Variants in DMBT1 observed in about 807,000 individuals in gnomAD.
DMBT1 encodes deleted in malignant brain tumors 1.
In DMBT1, 198 loss-of-function variants were observed where a neutral mutation model predicts 252.9. That is an observed-to-expected ratio of 0.78 (90% CI 0.70 to 0.88). The LOEUF (loss-of-function observed/expected upper bound fraction) is 0.88, where lower values mean the gene tolerates loss of function less well. Ranked by LOEUF, DMBT1 falls within the 40% of genes least tolerant of loss-of-function variation. The pLI is 0.00. For synonymous variants in DMBT1, 990 were observed against 942.7 expected (o/e 1.05, Z -0.92); for missense variants, 2,432 against 2,404.7 (o/e 1.01, Z -0.24).
chr10:122,585,778 G>A (rs2097784279), intron 15 of DMBT1, among the ~76,000 whole-genome samples: 1 of 148,654 alleles, frequency 6.7e-6, no homozygotes, highest in Non-Finnish European at 1.5e-5. Context: ...TACTGTAGCT[G>A]TGTAGCTCCA....
Position 122,588,819 on chromosome 10 carries a change from A to G in DMBT1, c.1784-125A>G. 3 of 1,489,908 alleles carry G rather than the reference A, an allele frequency of 2.0e-6. No individual in the cohort carries two copies. The Admixed American group carries it at 5.3e-5, about 26-fold the overall frequency. 92.3% of individuals were successfully genotyped at this position (1,489,908 alleles called of 1,614,324 possible). On this transcript the variant is annotated intron_variant, in intron 16 of 55. Coordinates refer to ENST00000338354, the MANE Select transcript of DMBT1 (RefSeq NM_001377530.1). ...TGAAGCTGAACCTCTGGTTGCAGTC[A>G]TCTTTAATCGTGACTGCCTGCCCAG...
intron 42 of DMBT1, among the ~76,000 whole-genome samples, chr10:122,619,642 G>A (rs1395187756): frequency 6.6e-6 from 1 of 152,198 alleles, no homozygotes; most frequent in Non-Finnish European, 1.5e-5. Flanking sequence ...TATATTCAGA[G>A]CTGATACAAC....
In DMBT1 at chr10:122,589,081, A is replaced by G. The variant is rs561526023; in HGVS notation, c.1921A>G (p.Arg641Gly). 8.2e-6 allele frequency: 13 copies of G among 1,588,814 alleles called. No individual in the cohort carries two copies. Among genetic ancestry groups the G allele is most frequent in the Middle Eastern group, 1.7e-4 (1 of 6,008 alleles). Residue 641 changes from arginine to glycine, a missense_variant, in exon 17 of 56, where the codon AGG (arginine) becomes GGG (glycine). This residue lies in a region of DMBT1 where 1,264 missense variants were observed against 1,082.2 expected (regional missense o/e 1.17). Transcript: ENST00000338354. The part of the protein sequence containing the change: ...WDTNDANVVC[R>G]QLGCGWATSA... The stretch of plus-strand genomic sequence containing the variant: ...CACCAATGATGCCAATGTGGTCTGC[A>G]GGCAGCTGGGCTGTGGCTGGGCCAC...
At position 122,633,249 on chromosome 10, in the gene DMBT1, C is replaced by G; in HGVS notation, c.6456C>G (p.Phe2152Leu). ...SQPSGDFSSP[F>L]YPGNYPNNAK... Reference sequence around the variant, plus strand: ...CATCAGGGGACTTTTCCAGCCCATTCTATCCCGGGAACTATCCAAACAATG... The same window carrying G: ...CATCAGGGGACTTTTCCAGCCCATTGTATCCCGGGAACTATCCAAACAATG... The change falls in exon 52 of 56, where the codon TTC becomes TTG. Residue 2152 changes from phenylalanine to leucine, a missense_variant. Transcript: ENST00000338354. 1.2e-6 allele frequency: 2 copies of G among 1,614,046 alleles called. No homozygotes were observed. Among genetic ancestry groups the G allele is most frequent in the African/African-American group, 1.3e-5 (1 of 75,066 alleles).
At chr10:122,590,635 G>A in intron 17 of DMBT1, 30 bp from the exon 18 acceptor site, 3 of 1,587,068 alleles carry the variant, frequency 1.9e-6, no homozygotes, top group African/African-American at 2.7e-5. Context: ...TCTGTATAGT[G>A]CATCTGATCT....
In DMBT1 at chr10:122,630,816, AG is replaced by A. The variant is rs2098158404; in HGVS notation, c.6026-144del. ...CTTTCAGCTCTGCATGGAGCGGTCC[AG>A]TACCTCCACCCCAGCTTTTCCACAT... is the stretch of plus-strand genomic sequence containing the variant. On this transcript the variant is annotated intron_variant, in intron 48 of 55. Transcript: ENST00000338354. 13 of 889,354 alleles carry A rather than the reference AG, an allele frequency of 1.5e-5. No homozygotes were observed. In the East Asian group the frequency reaches 3.2e-4, roughly 22 times the overall value. 55.1% of individuals were successfully genotyped at this position (889,354 alleles called of 1,614,324 possible). A position where few individuals can be genotyped will look rare whatever the true frequency, so the allele number is the denominator to read the frequency against.
intron 52 of DMBT1, among the ~76,000 whole-genome samples, 191 bp from the exon 53 acceptor site, chr10:122,635,800 C>T (rs774939756): frequency 7.9e-5 from 12 of 152,310 alleles, no homozygotes; most frequent in Middle Eastern, 3.4e-3. Context: ...AGATGATCCA[C>T]CTGCCTTGGT....
intron 3 of DMBT1, 62 bp downstream of exon 3, chr10:122,570,271 T>A (rs1038336343): frequency 3.0e-6 from 4 of 1,329,994 alleles, no homozygotes; most frequent in Admixed American, 1.7e-5. Context: ...TAGGTTCATC[T>A]CTGATCCAGA....
At position 122,585,317 on chromosome 10, in the gene DMBT1, A is replaced by T. The variant is rs373323298; in HGVS notation, c.1459+8A>T. The T allele has an allele frequency of 7.5e-4, 1,193 of 1,584,224 alleles. 22 individuals are homozygous for T. In the African/African-American group the frequency reaches 0.011, roughly 14 times the overall value. ...TACCTGCATCGACAGTAGGTAAATA[A>T]TCCTCTCGCCCCTCCCTAGGGCTCA... is the stretch of plus-strand genomic sequence containing the variant. On this transcript the variant is annotated splice_region_variant and intron_variant, in intron 15 of 55. Transcript: ENST00000338354.
chr10:122,580,481 C>T (rs960518500), intron 10 of DMBT1, among the ~76,000 whole-genome samples: 1 of 152,188 alleles, frequency 6.6e-6, no homozygotes, highest in African/African-American at 2.4e-5. Flanking sequence ...GGGCAGTCCC[C>T]ATGAGGCCAG....
chr10:122,628,867 T>G (rs892769710), intron 46 of DMBT1, among the ~76,000 whole-genome samples: 40 of 152,176 alleles, frequency 2.6e-4, no homozygotes, highest in African/African-American at 9.7e-4. Context: ...GTACAGGGTT[T>G]CTTTTTGGGG....
chr10:122,586,282 TG>T lies in DMBT1; in HGVS notation c.1683del (p.Arg562AlafsTer41), dbSNP rs1419180617. The T allele has an allele frequency of 1.4e-4, 218 of 1,588,702 alleles. 24 individuals carry two copies. The highest frequency in any genetic ancestry group is 1.8e-4 in the Non-Finnish European group (212 of 1,165,842). ...TCAGGACCCATTGTCCTGGATGACG[TG>T]CGCTGCTCAGGGAATGAGTCCTACT... Reference protein sequence around the residue: ...QGSGPIVLDDVRCSGNESYLW... With the variant: ...QGSGPIVLDDXRCSGNESYLW... On this transcript the variant is annotated frameshift_variant, in exon 16 of 56. Transcript: ENST00000338354. LOFTEE classifies it high-confidence loss of function.
intron 1 of DMBT1, among the ~76,000 whole-genome samples, chr10:122,562,659 C>G (rs2097558591): frequency 6.6e-6 from 1 of 152,206 alleles, no homozygotes; most frequent in African/African-American, 2.4e-5. Flanking sequence ...TACAAAGAAA[C>G]AACAGGCAGC....
In DMBT1 at chr10:122,617,255, C is replaced by T. The variant is rs1409190095; in HGVS notation, c.4886C>T (p.Thr1629Ile). The change falls in exon 40 of 56, where the codon ACA becomes ATA. Residue 1629 changes from threonine to isoleucine, a missense_variant. Coordinates refer to ENST00000338354, the MANE Select transcript of DMBT1 (RefSeq NM_001377530.1). Reference protein sequence around the residue: ...PDTWPTSRASTAGSESTLALR... With the variant: ...PDTWPTSRASIAGSESTLALR... Reference sequence around the variant, plus strand: ...ACTTGGCCAACCTCTCGTGCATCAACAGCAGGTAAACAATCCTCTCACCCC... The same window carrying T: ...ACTTGGCCAACCTCTCGTGCATCAATAGCAGGTAAACAATCCTCTCACCCC... 3 of 1,609,826 alleles carry T rather than the reference C, an allele frequency of 1.9e-6. No homozygotes were observed. Among genetic ancestry groups the T allele is most frequent in the East Asian group, 4.6e-5 (2 of 43,122 alleles).
chr10:122,572,442 A>G, intron 5 of DMBT1, 81 bp downstream of exon 5: 1 of 1,571,348 alleles, frequency 6.4e-7, no homozygotes, highest in Non-Finnish European at 8.8e-7. Context: ...GATGAGGTGT[A>G]GAGGACATAG....
At position 122,633,210 on chromosome 10, in the gene DMBT1, C is replaced by T. The variant is rs1204665960; in HGVS notation, c.6417C>T (p.Gly2139=). 1 of 1,613,882 alleles carries T rather than the reference C, an allele frequency of 6.2e-7. No homozygotes were observed. The highest frequency in any genetic ancestry group is 1.3e-5 in the African/African-American group (1 of 74,942). The change falls in exon 52 of 56, where the codon GGC becomes GGT. Residue 2139 remains glycine, a synonymous_variant. Coordinates refer to ENST00000338354, the MANE Select transcript of DMBT1 (RefSeq NM_001377530.1). ...TGACAGCAGATTATTCCTGCGGAGG[C>T]TTCCTATCCCAACCATCAGGGGACT... ...TRPNTDYSCG[G]FLSQPSGDFS...
chr10:122,620,171 G>T (rs990760224), intron 42 of DMBT1, 82 bp from the exon 43 acceptor site: 46 of 1,432,464 alleles, frequency 3.2e-5, no homozygotes, highest in Non-Finnish European at 4.5e-5. Flanking sequence ...TTTTCATGAT[G>T]CTTGCCTGGT....
chr10:122,564,435 C>T (rs2133499920), intron 1 of DMBT1, among the ~76,000 whole-genome samples: 1 of 152,320 alleles, frequency 6.6e-6, no homozygotes, highest in Non-Finnish European at 1.5e-5. Flanking sequence ...AAGACTCTAT[C>T]TCTAAAAATA....
intron 10 of DMBT1, among the ~76,000 whole-genome samples, chr10:122,580,251 T>A (rs1157824377): frequency 5.3e-5 from 8 of 152,022 alleles, no homozygotes; most frequent in Admixed American, 5.2e-4. Flanking sequence ...AGGGGAGGGA[T>A]CCCCTCACTG....
Sources: gnomAD v4.1 joint callset for allele counts (sites outside exome capture counted in the v4.1 genomes callset) on GRCh38, gnomAD v4.1.1 for gene constraint, gnomAD v4.1.1 regional missense constraint, MANE v1.5 for transcripts, NCBI Gene and HGNC (gene_info 2026-07-23, HGNC 2026-07-21) for gene names.